The following SLC29A4 variants were observed in gnomAD, a reference collection of about 807,000 sequenced individuals.
The protein encoded by SLC29A4 is solute carrier family 29 member 4.
Under a neutral mutation model 43.9 loss-of-function variants are expected in SLC29A4, and 36 were observed. That is an observed-to-expected ratio of 0.82 (90% CI 0.63 to 1.08). SLC29A4 has a LOEUF of 1.08. SLC29A4 is among the 50% of genes least tolerant of loss of function. The probability of loss-of-function intolerance (pLI) is 0.00; values close to 1 mark genes in which losing one functional copy is unlikely to be tolerated. For missense variants in SLC29A4, 869 were observed against 755.3 expected (o/e 1.15, Z -1.77); for synonymous variants, 491 against 338.0 (o/e 1.45, Z -4.97).
chr7:5,299,221 C>T lies in SLC29A4; in HGVS notation c.1022-19C>T, dbSNP rs1562454139. On this transcript the variant is annotated intron_variant, in intron 8 of 10. Coordinates refer to ENST00000396872, the MANE Select transcript of SLC29A4 (RefSeq NM_153247.4). ...GTCCCCGTGGGCGCTGCCTCTGACCCCCGCCCGCCACCCTCCAGCCCTGTT... is the reference window on the plus strand; with the variant it reads ...GTCCCCGTGGGCGCTGCCTCTGACCTCCGCCCGCCACCCTCCAGCCCTGTT... 1 of 1,604,490 alleles carries T rather than the reference C, an allele frequency of 6.2e-7. No homozygotes were observed. Among genetic ancestry groups the T allele is most frequent in the Admixed American group, 1.7e-5 (1 of 59,688 alleles).
intron 2 of SLC29A4, among the ~76,000 whole-genome samples, chr7:5,290,455 C>A (rs1438285274): frequency 6.6e-6 from 1 of 152,212 alleles, no homozygotes; most frequent in Non-Finnish European, 1.5e-5. Flanking sequence ...CCTTGGCCTC[C>A]CAGAGTGCTG....
intron 1 of SLC29A4, among the ~76,000 whole-genome samples, chr7:5,287,508 C>G (rs1424774113): frequency 6.6e-6 from 1 of 152,138 alleles, no homozygotes; most frequent in Non-Finnish European, 1.5e-5. Context: ...AAGGACGGTC[C>G]CCCCAGGGGA....
chr7:5,286,491 C>T (rs901173525), intron 1 of SLC29A4, among the ~76,000 whole-genome samples: 1 of 151,030 alleles, frequency 6.6e-6, no homozygotes, highest in Non-Finnish European at 1.5e-5. Context: ...CCACTGCACT[C>T]CAGCCTGGGC....
intron 6 of SLC29A4, among the ~76,000 whole-genome samples, chr7:5,295,235 G>C (rs957927926): frequency 6.6e-6 from 1 of 151,364 alleles, no homozygotes; most frequent in Non-Finnish European, 1.5e-5. Context: ...GTGTGTGTTT[G>C]GTAAGTCTGC....
rs1318930571 is a variant in SLC29A4 at position 5,303,876 on chromosome 7, CCT to C, written c.*938_*939del. ...AACACCAGGCCCGTGTGGGTGGCAC[CCT>C]GAGGTCAGGGGATCCTAAGGGTGTC... On this transcript the variant is annotated 3_prime_UTR_variant, in exon 11 of 11. Transcript: ENST00000396872. The C allele has an allele frequency of 6.6e-6, 1 of 152,184 alleles. No homozygotes were observed. Among genetic ancestry groups the C allele is most frequent in the Non-Finnish European group, 1.5e-5 (1 of 68,046 alleles). The allele number at this position is 152,184 out of a possible 1,614,324, so 9.4% of individuals were successfully genotyped here. A position where few individuals can be genotyped will look rare whatever the true frequency, so the allele number is the denominator to read the frequency against.
chr7:5,283,634 A>G (rs1784789493), intron 1 of SLC29A4, among the ~76,000 whole-genome samples: 1 of 152,078 alleles, frequency 6.6e-6, no homozygotes, highest in African/African-American at 2.4e-5. Flanking sequence ...CCCTGCATGC[A>G]TCGGTCCCCG....
chr7:5,297,902 C>T (rs1785827735), intron 7 of SLC29A4, among the ~76,000 whole-genome samples: 1 of 152,124 alleles, frequency 6.6e-6, no homozygotes, highest in Non-Finnish European at 1.5e-5. Context: ...CAGCCCCTGC[C>T]AGGAGGTGCC....
chr7:5,293,990 C>A (rs1361147884), intron 5 of SLC29A4, among the ~76,000 whole-genome samples: 3 of 151,874 alleles, frequency 2.0e-5, no homozygotes, highest in African/African-American at 7.3e-5. Context: ...CCTGTAATCC[C>A]AGTTACTCGG....
Position 5,285,247 on chromosome 7 carries a change from C to G in SLC29A4, c.-9+2165C>G, listed in dbSNP as rs12535272. The stretch of plus-strand genomic sequence containing the variant: ...GCCCAGCCCAGCTCTGCTCTAAGCC[C>G]TGCTCGGCCGCCACCCCACCCCACC... On this transcript the variant is annotated intron_variant, in intron 1 of 10. Coordinates refer to ENST00000396872, the MANE Select transcript of SLC29A4 (RefSeq NM_153247.4). Among the ~76,000 whole-genome samples, 1,301 of 152,290 alleles carry G rather than the reference C, an allele frequency of 8.5e-3. 72 individuals carry two copies. Among genetic ancestry groups the G allele is most frequent in the Admixed American group, 0.08 (1,217 of 15,272 alleles).
intron 10 of SLC29A4, 68 bp downstream of exon 10, chr7:5,300,730 C>T: frequency 6.4e-7 from 1 of 1,568,160 alleles, no homozygotes; most frequent in South Asian, 1.1e-5. Context: ...CGCGAGGAAA[C>T]CCAGGCTAGA....
rs1009024990 is a variant in SLC29A4 at position 5,305,879 on chromosome 7, C to T, written c.*2940C>T. The stretch of plus-strand genomic sequence containing the variant: ...GCACTGGTTTTTTGAGATGGAATCT[C>T]GTTATGTCACCCCAGCTGGAGGGCA... On this transcript the variant is annotated 3_prime_UTR_variant, in exon 11 of 11. Transcript: ENST00000396872. The T allele has an allele frequency of 3.3e-5, 5 of 149,572 alleles. No individual in the cohort carries two copies. The highest frequency in any genetic ancestry group is 1.2e-4 in the African/African-American group (5 of 40,494). The allele number at this position is 149,572 out of a possible 1,614,324, so 9.3% of individuals were successfully genotyped here. A position where few individuals can be genotyped will look rare whatever the true frequency, so the allele number is the denominator to read the frequency against.
chr7:5,300,475 C>T lies in SLC29A4; in HGVS notation c.1263C>T (p.Ser421=), dbSNP rs149735652. 664 of 1,611,596 alleles carry T rather than the reference C, an allele frequency of 4.1e-4. No homozygotes were observed. The highest frequency in any genetic ancestry group is 3.3e-4 in the Non-Finnish European group (385 of 1,179,778). ...DWRGTHLLAC[S]CLRVVFIPLF... Reference sequence around the variant, plus strand: ...GGGGCACCCACCTGCTGGCCTGCTCCTGCCTGCGTGTGGTCTTCATCCCCC... The same window carrying T: ...GGGGCACCCACCTGCTGGCCTGCTCTTGCCTGCGTGTGGTCTTCATCCCCC... The change falls in exon 10 of 11, where the codon TCC becomes TCT. Residue 421 remains serine (S), a synonymous_variant. Coordinates refer to ENST00000396872, the MANE Select transcript of SLC29A4 (RefSeq NM_153247.4).
intron 7 of SLC29A4, among the ~76,000 whole-genome samples, chr7:5,297,583 C>G (rs545461894): frequency 1.4e-4 from 22 of 152,366 alleles, no homozygotes; most frequent in African/African-American, 4.3e-4. Flanking sequence ...GCTGCGCCAA[C>G]CCACGTTGGA....
intron 4 of SLC29A4, 120 bp downstream of exon 4, chr7:5,291,357 C>T: frequency 1.0e-6 from 1 of 985,422 alleles, no homozygotes; most frequent in African/African-American, 1.6e-5. Flanking sequence ...GGCACACTTC[C>T]TAGGGCTGCC....
intron 9 of SLC29A4, among the ~76,000 whole-genome samples, chr7:5,299,974 C>T (rs1009233820): frequency 1.3e-5 from 2 of 152,182 alleles, no homozygotes; most frequent in African/African-American, 4.8e-5. Context: ...ATCGCTTGAA[C>T]CCAGGAGGTG....
chr7:5,287,030 C>T (rs547127102), intron 1 of SLC29A4, among the ~76,000 whole-genome samples: 1 of 152,356 alleles, frequency 6.6e-6, no homozygotes, highest in East Asian at 1.9e-4. Flanking sequence ...ATGCAGGCCA[C>T]CTTGGTTGCT....
At chr7:5,286,896 C>T (rs543963019) in intron 1 of SLC29A4, among the ~76,000 whole-genome samples, 9 of 152,350 alleles carry the variant, frequency 5.9e-5, no homozygotes, top group South Asian at 2.1e-4. Context: ...CACTGCAGCG[C>T]GGTGCAGGCA....
At chr7:5,300,357 T>A (rs1786049750) in intron 9 of SLC29A4, 65 bp from the exon 10 acceptor site, 2 of 1,603,092 alleles carry the variant, frequency 1.2e-6, no homozygotes, top group Admixed American at 3.4e-5. Flanking sequence ...CTAGAGGCTG[T>A]CGGGGGTGTG....
chr7:5,299,562 G>C lies in SLC29A4; in HGVS notation c.1209+135G>C, dbSNP rs570831412. On this transcript the variant is annotated intron_variant, in intron 9 of 10. Transcript: ENST00000396872. Reference sequence around the variant, plus strand: ...AGGTGGAAAGGGCAAGAGCTGTGCAGTGGCGCCATCCTGGACAGTGTCCTC... The same window carrying C: ...AGGTGGAAAGGGCAAGAGCTGTGCACTGGCGCCATCCTGGACAGTGTCCTC... 6 of 1,012,058 alleles carry C rather than the reference G, an allele frequency of 5.9e-6. No individual in the cohort carries two copies. The Admixed American group carries it at 1.5e-4, about 26-fold the overall frequency. The allele number at this position is 1,012,058 out of a possible 1,614,324, so 62.7% of individuals were successfully genotyped here.
Sources: allele counts gnomAD v4.1 joint callset (sites outside exome capture counted in the v4.1 genomes callset), GRCh38; gene constraint gnomAD v4.1.1; transcripts MANE v1.5; gene names NCBI Gene and HGNC (gene_info 2026-07-23, HGNC 2026-07-21).